Variants in SCHIP1 observed in about 807,000 individuals in gnomAD.
The protein encoded by SCHIP1 is schwannomin interacting protein 1.
A neutral mutation model predicts 29.7 loss-of-function variants in SCHIP1; 8 were observed. That is an observed-to-expected ratio of 0.27 (90% confidence interval 0.16 to 0.49). SCHIP1 has a LOEUF of 0.49. Among genes scored for constraint, SCHIP1 ranks in the 20% least tolerant of loss-of-function variants. The probability of loss-of-function intolerance (pLI) is 0.99; values close to 1 mark genes in which losing one functional copy is unlikely to be tolerated. For missense variants in SCHIP1, 193 were observed against 294.6 expected (o/e 0.66, Z 2.52); for synonymous variants, 76 against 94.9 (o/e 0.80, Z 1.16).
At chr3:159,648,281 A>T in the SCHIP1 span, among the ~76,000 whole-genome samples, 1 of 152,160 alleles carries the variant, frequency 6.6e-6, no homozygotes, top group Non-Finnish European at 1.5e-5. Context: ...CATCTGCCTG[A>T]CATTCAGGCA....
chr3:159,470,627 A>G, the SCHIP1 span, among the ~76,000 whole-genome samples: 1 of 152,116 alleles, frequency 6.6e-6, no homozygotes, highest in Non-Finnish European at 1.5e-5. Flanking sequence ...TTTATTTTCC[A>G]GGTTAAGAAG....
the SCHIP1 span, among the ~76,000 whole-genome samples, chr3:159,696,772 T>G: frequency 2.6e-5 from 4 of 152,176 alleles, no homozygotes; most frequent in Non-Finnish European, 1.5e-5. Flanking sequence ...AAGGGAGCCA[T>G]CCTTTGGTTG....
the SCHIP1 span, among the ~76,000 whole-genome samples, chr3:159,828,416 T>C: frequency 8.8e-6 from 1 of 114,212 alleles, no homozygotes; most frequent in Non-Finnish European, 1.9e-5. Context: ...TACGTATATA[T>C]ACGTATATAT....
At chr3:159,598,114 A>G in the SCHIP1 span, among the ~76,000 whole-genome samples, 60 of 152,178 alleles carry the variant, frequency 3.9e-4, no homozygotes, top group Admixed American at 1.2e-3. Flanking sequence ...CCCTTCCTCT[A>G]TGCCTGGGGA....
At chr3:159,830,463 T>C in the SCHIP1 span, among the ~76,000 whole-genome samples, 1 of 152,202 alleles carries the variant, frequency 6.6e-6, no homozygotes, top group South Asian at 2.1e-4. Flanking sequence ...ATTTTTTTCA[T>C]ATAATGTGAA....
chr3:159,277,830 A>T, the SCHIP1 span, among the ~76,000 whole-genome samples: 1 of 151,836 alleles, frequency 6.6e-6, no homozygotes, highest in Non-Finnish European at 1.5e-5. Flanking sequence ...CAGGCGAATC[A>T]CTTGAACCCA....
At chr3:159,454,181 C>T in the SCHIP1 span, among the ~76,000 whole-genome samples, 1 of 152,228 alleles carries the variant, frequency 6.6e-6, no homozygotes, top group Non-Finnish European at 1.5e-5. Context: ...ATAACAATGC[C>T]TGGGTACTAT....
the SCHIP1 span, among the ~76,000 whole-genome samples, chr3:159,426,621 A>G: frequency 6.6e-6 from 1 of 152,242 alleles, no homozygotes; most frequent in Non-Finnish European, 1.5e-5. Context: ...AGGAACTGGT[A>G]CCATTCCTTC....
At chr3:159,510,878 A>T in the SCHIP1 span, among the ~76,000 whole-genome samples, 1 of 152,112 alleles carries the variant, frequency 6.6e-6, no homozygotes, top group African/African-American at 2.4e-5. Flanking sequence ...GTCTGCCCCT[A>T]CTTGGGGGTG....
chr3:159,517,330 A>T, the SCHIP1 span, among the ~76,000 whole-genome samples: 1 of 152,206 alleles, frequency 6.6e-6, no homozygotes, highest in Non-Finnish European at 1.5e-5. Context: ...TTCAAGAAAG[A>T]TAAGTGTTTC....
chr3:159,790,403 A>G, the SCHIP1 span, among the ~76,000 whole-genome samples: 2 of 152,216 alleles, frequency 1.3e-5, no homozygotes, highest in Non-Finnish European at 2.9e-5. Flanking sequence ...GTAAAAGACT[A>G]TTTCCAGCTG....
chr3:159,828,372 TATACATATATATATAC>T, the SCHIP1 span, among the ~76,000 whole-genome samples: 5 of 106,190 alleles, frequency 4.7e-5, no homozygotes, highest in Non-Finnish European at 8.0e-5. Context: ...TATATATATA[TATACATATATATATAC>T]ATATATACGT....
At chr3:159,764,381 C>A in the SCHIP1 span, 1 of 1,502,856 alleles carries the variant, frequency 6.7e-7, no homozygotes, top group African/African-American at 1.4e-5. This position sits in a 1 kb window ranked among gnomAD's most constrained non-coding sequence, Gnocchi z 6.1. Context: ...GCATTTGGGG[C>A]GGGTGGCGGG....
At chr3:159,328,338 T>C in the SCHIP1 span, among the ~76,000 whole-genome samples, 1 of 152,122 alleles carries the variant, frequency 6.6e-6, no homozygotes, top group Non-Finnish European at 1.5e-5. Flanking sequence ...TTTATGGTCT[T>C]AGAAGGCAGA....
the SCHIP1 span, chr3:159,765,520 A>C: frequency 4.5e-5 from 9 of 201,890 alleles, no homozygotes; most frequent in African/African-American, 2.1e-4. Context: ...AAATCGTAAT[A>C]GTTGTGGCTT....
the SCHIP1 span, among the ~76,000 whole-genome samples, chr3:159,517,634 T>C: frequency 3.8e-4 from 58 of 152,190 alleles, no homozygotes; most frequent in Non-Finnish European, 7.1e-4. Flanking sequence ...AAAAATTTTC[T>C]TAAAAACTAT....
the SCHIP1 span, among the ~76,000 whole-genome samples, chr3:159,688,335 A>G: frequency 1.3e-5 from 2 of 152,082 alleles, no homozygotes; most frequent in Non-Finnish European, 2.9e-5. Context: ...TTTGATTTGC[A>G]TTTCTCTAAT....
the SCHIP1 span, among the ~76,000 whole-genome samples, chr3:159,638,245 C>T: frequency 2.0e-5 from 3 of 152,192 alleles, no homozygotes; most frequent in African/African-American, 4.8e-5. Flanking sequence ...ACTGGATAAC[C>T]TCTAAGGTCT....
At chr3:159,757,999 T>TATA in the SCHIP1 span, among the ~76,000 whole-genome samples, 1 of 152,092 alleles carries the variant, frequency 6.6e-6, no homozygotes, top group Non-Finnish European at 1.5e-5. Context: ...TATATTAGAG[T>TATA]CATGTATACA....
Sources: allele counts gnomAD v4.1 joint callset (sites outside exome capture counted in the v4.1 genomes callset), GRCh38; gene constraint gnomAD v4.1.1; non-coding constraint Gnocchi (gnomAD v3.1); transcripts MANE v1.5; gene names NCBI Gene and HGNC (gene_info 2026-07-23, HGNC 2026-07-21).